Variants in TIAM2 observed in about 807,000 individuals in gnomAD.
TIAM2 encodes the protein TIAM Rac1 associated GEF 2.
In TIAM2, 80 loss-of-function variants were observed where a neutral mutation model predicts 152.9. The observed-to-expected ratio is 0.52, with a 90% CI of 0.44 to 0.63. The LOEUF (loss-of-function observed/expected upper bound fraction) is 0.63. TIAM2 is among the 30% of genes least tolerant of loss of function. TIAM2 has a pLI of 0.00. For synonymous variants in TIAM2, 804 were observed against 838.0 expected (o/e 0.96, Z 0.70); for missense variants, 1,965 against 2,120.1 (o/e 0.93, Z 1.44).
intron 14 of TIAM2, among the ~76,000 whole-genome samples, chr6:155,187,573 C>CTTTTTTTTTTTTTTTT (rs59818801): frequency 8.1e-5 from 4 of 49,622 alleles, no homozygotes; most frequent in Admixed American, 2.8e-4. Context: ...ACCCCGCCCC[C>CTTTTTTTTTTTTTTTT]TTTTTTTTTT....
intron 16 of TIAM2, among the ~76,000 whole-genome samples, chr6:155,241,988 G>A (rs1318307231): frequency 1.3e-5 from 2 of 152,216 alleles, no homozygotes; most frequent in East Asian, 3.9e-4. Context: ...AGTGTTGTTA[G>A]AATTTCCTGT....
chr6:155,140,255 A>G (rs1779660716), intron 5 of TIAM2, among the ~76,000 whole-genome samples: 1 of 152,160 alleles, frequency 6.6e-6, no homozygotes, highest in Non-Finnish European at 1.5e-5. Flanking sequence ...GATCCTTGAA[A>G]GGTTGTCCTG....
chr6:155,233,688 G>A (rs1782586484), intron 15 of TIAM2, among the ~76,000 whole-genome samples: 1 of 152,070 alleles, frequency 6.6e-6, no homozygotes, highest in Non-Finnish European at 1.5e-5. Context: ...TGAACTAAAG[G>A]CCCGGCATGG....
At chr6:155,242,488 GT>G (rs1325335726) in intron 16 of TIAM2, among the ~76,000 whole-genome samples, 3 of 152,190 alleles carry the variant, frequency 2.0e-5, no homozygotes, top group Non-Finnish European at 4.4e-5. Context: ...GGCCAGGGAG[GT>G]TTTTATGGTG....
intron 22 of TIAM2, among the ~76,000 whole-genome samples, chr6:155,251,279 G>A (rs945133644): frequency 2.6e-5 from 4 of 152,098 alleles, no homozygotes; most frequent in Admixed American, 2.6e-4. Flanking sequence ...TTTGAAACCT[G>A]CTATCTTTTT....
intron 15 of TIAM2, among the ~76,000 whole-genome samples, chr6:155,234,067 T>G (rs1392720284): frequency 6.6e-6 from 1 of 152,194 alleles, no homozygotes; most frequent in Non-Finnish European, 1.5e-5. Context: ...AAAAAATGTT[T>G]TTATTTAATC....
At chr6:155,248,498 A>C (rs1783465576) in intron 20 of TIAM2, among the ~76,000 whole-genome samples, 1 of 152,248 alleles carries the variant, frequency 6.6e-6, no homozygotes, top group South Asian at 2.1e-4. Context: ...GCTGTGAAAC[A>C]GTGCCGCTGG....
rs369564436 is a variant in TIAM2, at chr6:155,077,749, G to T, written c.-208-12540G>T. ...CTCATTTTGTTTTCACAGAAGCCCT[G>T]GAGGGTGGGCGTAATTGTTTTCATT... On this transcript the variant is annotated intron_variant, in intron 1 of 26. Transcript: ENST00000682666. Among the ~76,000 whole-genome samples, 15 of 152,302 alleles carry T rather than the reference G, an allele frequency of 9.8e-5. No individual in the cohort carries two copies. In the East Asian group the frequency reaches 1.4e-3, roughly 14 times the overall value.
At chr6:155,083,428 C>T (rs972423086) in intron 1 of TIAM2, among the ~76,000 whole-genome samples, 1 of 151,132 alleles carries the variant, frequency 6.6e-6, no homozygotes, top group Non-Finnish European at 1.5e-5. Context: ...AAGAGGGAAG[C>T]AGGCATTTAC....
rs1780770689 is a variant in TIAM2 at position 155,176,833 on chromosome 6, T to C, written c.2379T>C (p.His793=). ...ACAAACAGGTCGATGAACTTCTGCA[T>C]ATATATGGTTCAACAGTAGACGGTG... ...PSITQVDELL[H]IYGSTVDGVP... is the part of the protein sequence containing the mutation. Residue 793 remains histidine (H), a synonymous_variant, in exon 10 of 27, where the codon CAT becomes CAC. Coordinates refer to ENST00000682666, the MANE Select transcript of TIAM2 (RefSeq NM_012454.4). The C allele has an allele frequency of 1.9e-6, 3 of 1,612,096 alleles. No homozygotes were observed. Among genetic ancestry groups the C allele is most frequent in the East Asian group, 4.5e-5 (2 of 44,862 alleles).
rs76982750 is a variant in TIAM2 at position 155,126,808 on chromosome 6, C to CT, written c.-117-666dup. Among the ~76,000 whole-genome samples the CT allele has an allele frequency of 5.7e-3, 817 of 142,598 alleles. 3 individuals carry two copies. Among genetic ancestry groups the CT allele is most frequent in the African/African-American group, 8.8e-3 (344 of 38,966 alleles). 93.5% of individuals were successfully genotyped at this position (142,598 alleles called of 152,430 possible). On this transcript the variant is annotated intron_variant, in intron 2 of 26. Coordinates refer to ENST00000682666, the MANE Select transcript of TIAM2 (RefSeq NM_012454.4). The stretch of plus-strand genomic sequence containing the variant: ...ATGTTTGACCACAATTACAAATAAA[C>CT]TTTTTTTTTTTTTTTTAAAGGAACA...
chr6:155,233,706 C>T (rs576525291), intron 15 of TIAM2, among the ~76,000 whole-genome samples: 43 of 152,272 alleles, frequency 2.8e-4, no homozygotes, highest in South Asian at 1.0e-3. Context: ...TGGTGGCTCA[C>T]GCCTATAATC....
At chr6:155,132,523 G>T (rs1426118274) in intron 4 of TIAM2, among the ~76,000 whole-genome samples, 1 of 152,016 alleles carries the variant, frequency 6.6e-6, no homozygotes, top group African/African-American at 2.4e-5. Context: ...TTTGTATAGT[G>T]ATTTTACTCC....
chr6:155,051,646 CTTA>C (rs1327759083), intron 1 of TIAM2, among the ~76,000 whole-genome samples: 2 of 151,774 alleles, frequency 1.3e-5, no homozygotes, highest in Non-Finnish European at 2.9e-5. Flanking sequence ...GGCTGTGGCT[CTTA>C]TTGTTTTTTT....
rs1174070630 is a variant in TIAM2 at position 155,029,506 on chromosome 6, A to C, written c.-209+34014A>C. Among the ~76,000 whole-genome samples, 30 of 12,852 alleles carry C rather than the reference A, an allele frequency of 2.3e-3. 5 individuals carry two copies. Among genetic ancestry groups the C allele is most frequent in the African/African-American group, 9.7e-3 (30 of 3,092 alleles). 8.4% of individuals were successfully genotyped at this position (12,852 alleles called of 152,430 possible). ...TATACTATAGTATATATTATATATA[A>C]TATATACTATATATTATAGTATAGA... On this transcript the variant is annotated intron_variant, in intron 1 of 26. Transcript: ENST00000682666.
intron 1 of TIAM2, among the ~76,000 whole-genome samples, chr6:155,000,306 G>T (rs1220905822): frequency 6.6e-6 from 1 of 152,068 alleles, no homozygotes; most frequent in East Asian, 2.0e-4. Context: ...AGGCCAAGGG[G>T]CGGATCACCT....
At chr6:155,115,810 G>C (rs1022935683) in intron 2 of TIAM2, among the ~76,000 whole-genome samples, 7 of 152,120 alleles carry the variant, frequency 4.6e-5, no homozygotes, top group African/African-American at 1.7e-4. Context: ...GGGGTATCCC[G>C]GCACACAGCA....
chr6:155,229,446 C>G (rs17086069), intron 15 of TIAM2, among the ~76,000 whole-genome samples: 5,629 of 152,314 alleles, frequency 0.037, 337 homozygotes, highest in African/African-American at 0.13. Context: ...ACTGAATGCT[C>G]TTGACCACCC....
chr6:155,056,441 G>A (rs1198395733), intron 1 of TIAM2, among the ~76,000 whole-genome samples: 12 of 151,968 alleles, frequency 7.9e-5, no homozygotes, highest in Admixed American at 5.9e-4. Context: ...CAAAGTGCTG[G>A]GATTACAGGC....
Sources: gnomAD v4.1 joint callset for allele counts (sites outside exome capture counted in the v4.1 genomes callset) on GRCh38, gnomAD v4.1.1 for gene constraint, MANE v1.5 for transcripts, NCBI Gene and HGNC (gene_info 2026-07-23, HGNC 2026-07-21) for gene names.